The following CTDNEP1 variants were observed in gnomAD, a reference collection of about 807,000 sequenced individuals.
The protein encoded by CTDNEP1 is CTD nuclear envelope phosphatase 1.
A neutral mutation model predicts 30.1 loss-of-function variants in CTDNEP1; 3 were observed. The ratio of observed to expected loss-of-function variants is 0.10; its 90% CI spans 0.05 to 0.26. The LOEUF (loss-of-function observed/expected upper bound fraction) is 0.26. CTDNEP1 is among the 10% of genes least tolerant of loss of function. The probability of loss-of-function intolerance (pLI) is 1.00; values close to 1 mark genes in which losing one functional copy is unlikely to be tolerated. For synonymous variants in CTDNEP1, 123 were observed against 118.8 expected (o/e 1.04, Z -0.23); for missense variants, 158 against 310.4 (o/e 0.51, Z 3.69).
rs749093536 is a variant in CTDNEP1 at position 7,244,595 on chromosome 17, G to A, written c.630C>T (p.Ser210=). 17 of 1,613,530 alleles carry A rather than the reference G, an allele frequency of 1.1e-5. No individual in the cohort carries two copies. The highest frequency in any genetic ancestry group is 2.2e-5 in the South Asian group (2 of 90,952). ...IPIKSWFSDP[S]DTALLNLLPM... is the part of the protein sequence containing the mutation. The stretch of plus-strand genomic sequence containing the variant: ...GGAGCAGGTTGAGAAGGGCTGTGTC[G>A]CTGGGGTCACTGAACCAGGATTTGA... The change falls in exon 7 of 8, where the codon AGC becomes AGT. Residue 210 remains serine (S), a synonymous_variant. Transcript: ENST00000574322.
intron 6 of CTDNEP1, chr17:7,244,957 A>C (rs1379285151): frequency 7.9e-6 from 2 of 252,716 alleles, no homozygotes; most frequent in African/African-American, 4.6e-5. Context: ...CAGGAGTTTG[A>C]GTCCAGCCTG....
chr17:7,247,097 G>A lies in CTDNEP1; in HGVS notation c.255C>T (p.Val85=). 1 of 1,613,110 alleles carries A rather than the reference G, an allele frequency of 6.2e-7. No homozygotes were observed. Among genetic ancestry groups the A allele is most frequent in the Non-Finnish European group, 8.5e-7 (1 of 1,179,924 alleles). ...SHHDGVLRPT[V]RPGTPPDFIL... Reference sequence around the variant, plus strand: ...TGAAGTCAGGAGGCGTACCAGGCCGGACTGTGGGCCTCAGGACCCCATCAT... The same window carrying A: ...TGAAGTCAGGAGGCGTACCAGGCCGAACTGTGGGCCTCAGGACCCCATCAT... Residue 85 remains valine (V), a synonymous_variant, in exon 3 of 8, where the codon GTC becomes GTT. Coordinates refer to ENST00000574322, the MANE Select transcript of CTDNEP1 (RefSeq NM_001143775.2).
At chr17:7,244,748 G>A (rs2071815506) in intron 6 of CTDNEP1, 113 bp from the exon 7 acceptor site, 8 of 797,032 alleles carry the variant, frequency 1.0e-5, no homozygotes, top group Admixed American at 3.1e-5. Flanking sequence ...TCCCACTACC[G>A]GAAGTCAACA....
At chr17:7,244,403 G>A in intron 7 of CTDNEP1, 148 bp downstream of exon 7, 1 of 1,153,314 alleles carries the variant, frequency 8.7e-7, no homozygotes. Flanking sequence ...CTAAAGTGAT[G>A]AGCTTTGAAG....
chr17:7,246,194 A>C lies in CTDNEP1; in HGVS notation c.478-57T>G. On this transcript the variant is annotated intron_variant, in intron 5 of 7. Coordinates refer to ENST00000574322, the MANE Select transcript of CTDNEP1 (RefSeq NM_001143775.2). The surrounding 1 kb of genome is among the most constrained non-coding windows in gnomAD (Gnocchi z 4.9). ...TCTCCAGGATACTCTCCTCAAACCCAGATCCCTCCCTGGTGGCCTCCCTCC... is the reference window on the plus strand; with the variant it reads ...TCTCCAGGATACTCTCCTCAAACCCCGATCCCTCCCTGGTGGCCTCCCTCC... The C allele has an allele frequency of 6.3e-7, 1 of 1,581,348 alleles. No homozygotes were observed. The highest frequency in any genetic ancestry group is 8.7e-7 in the Non-Finnish European group (1 of 1,150,340).
At chr17:7,245,880 C>A in intron 6 of CTDNEP1, 146 bp downstream of exon 6, 1 of 594,302 alleles carries the variant, frequency 1.7e-6, no homozygotes, top group Non-Finnish European at 3.1e-6. Context: ...ATTTGAAACA[C>A]AAAAATAACT....
intron 6 of CTDNEP1, 85 bp from the exon 7 acceptor site, chr17:7,244,720 T>C (rs951279055): frequency 1.9e-6 from 2 of 1,051,032 alleles, no homozygotes; most frequent in South Asian, 1.6e-5. Context: ...GGAGGAATTA[T>C]TGTTAAAAAT....
At chr17:7,244,383 A>G (rs1455899610) in intron 7 of CTDNEP1, 138 bp from the exon 8 acceptor site, 19 of 1,194,958 alleles carry the variant, frequency 1.6e-5, no homozygotes, top group Non-Finnish European at 2.4e-6. Flanking sequence ...ATTTGCCCAC[A>G]GCCTACTAGC....
At position 7,246,458 on chromosome 17, in the gene CTDNEP1, G is replaced by C. The variant is rs747613270; in HGVS notation, c.361-88C>G. On this transcript the variant is annotated intron_variant, in intron 4 of 7. Coordinates refer to ENST00000574322, the MANE Select transcript of CTDNEP1 (RefSeq NM_001143775.2). The surrounding 1 kb of genome is among the most constrained non-coding windows in gnomAD (Gnocchi z 4.9). ...TATCTTTCAGAAAGGCAATGGCATAGTCCTTCAGGCCTTCCATCAACATCA... is the reference window on the plus strand; with the variant it reads ...TATCTTTCAGAAAGGCAATGGCATACTCCTTCAGGCCTTCCATCAACATCA... 3 of 954,806 alleles carry C rather than the reference G, an allele frequency of 3.1e-6. No homozygotes were observed. The highest frequency in any genetic ancestry group is 2.4e-5 in the East Asian group (1 of 41,718). 59.1% of individuals were successfully genotyped at this position (954,806 alleles called of 1,614,324 possible).
intron 1 of CTDNEP1, among the ~76,000 whole-genome samples, chr17:7,248,037 C>A (rs9899344): frequency 1.7e-4 from 26 of 151,256 alleles, no homozygotes; most frequent in African/African-American, 5.8e-4. Flanking sequence ...CCAAGGCAGG[C>A]GGATCACAAG....
chr17:7,245,894 A>G lies in CTDNEP1; in HGVS notation c.589+132T>C, dbSNP rs78238314. On this transcript the variant is annotated intron_variant, in intron 6 of 7. Transcript: ENST00000574322. ...CATTTGAAACACAAAAATAACTTGC[A>G]TTTCGACTTACAGCAAACTAGGGAT... The G allele has an allele frequency of 1.8e-3, 1,106 of 621,796 alleles. 9 individuals are homozygous for G. The African/African-American group carries it at 0.019, about 11-fold the overall frequency. The allele number at this position is 621,796 out of a possible 1,614,324, so 38.5% of individuals were successfully genotyped here. A position where few individuals can be genotyped will look rare whatever the true frequency, so the allele number is the denominator to read the frequency against.
In CTDNEP1 at chr17:7,247,198, G is replaced by A. The variant is rs778676754; in HGVS notation, c.170-16C>T. The A allele has an allele frequency of 5.0e-6, 8 of 1,611,298 alleles. No individual in the cohort carries two copies. The Admixed American group carries it at 8.3e-5, about 17-fold the overall frequency. Reference sequence around the variant, plus strand: ...TTCACCTGGGCTGAACCAGAGTGGGGAGGAATAATATTGACCGACCTCTGA... The same window carrying A: ...TTCACCTGGGCTGAACCAGAGTGGGAAGGAATAATATTGACCGACCTCTGA... On this transcript the variant is annotated splice_polypyrimidine_tract_variant and intron_variant, in intron 2 of 7. Coordinates refer to ENST00000574322, the MANE Select transcript of CTDNEP1 (RefSeq NM_001143775.2).
Position 7,251,198 on chromosome 17 carries a change from G to A in CTDNEP1, c.99C>T (p.Arg33=). Residue 33 remains arginine, a synonymous_variant, in exon 1 of 8, where the codon CGC becomes CGT. Coordinates refer to ENST00000574322, the MANE Select transcript of CTDNEP1 (RefSeq NM_001143775.2). ...GCCAGCGCCCACCCTGGCTCACCGT[G>A]CGGATCTGCCTCCGCAGAAGGTAAA... ...FFIYLLRRQI[R]TVIQYQTVRY... 6.3e-7 allele frequency: 1 copy of A among 1,597,892 alleles called. No individual in the cohort carries two copies. Among genetic ancestry groups the A allele is most frequent in the African/African-American group, 1.3e-5 (1 of 74,182 alleles).
chr17:7,246,157 G>A lies in CTDNEP1; in HGVS notation c.478-20C>T. On this transcript the variant is annotated intron_variant, in intron 5 of 7. Transcript: ENST00000574322. This position sits in a 1 kb window ranked among gnomAD's most constrained non-coding sequence, Gnocchi z 4.9. ...GCAGTGCTGGAAGGCAGGGGATCAT[G>A]TAGCAGGCCTCTCTCCAGGATACTC... is the stretch of plus-strand genomic sequence containing the variant. The A allele has an allele frequency of 2.5e-6, 4 of 1,599,942 alleles. No individual in the cohort carries two copies. Among genetic ancestry groups the A allele is most frequent in the Non-Finnish European group, 3.4e-6 (4 of 1,167,160 alleles).
intron 1 of CTDNEP1, among the ~76,000 whole-genome samples, chr17:7,250,324 C>T: frequency 6.6e-6 from 1 of 152,226 alleles, no homozygotes; most frequent in Non-Finnish European, 1.5e-5. Context: ...GGTGAGACCA[C>T]AAGAGCACAT....
chr17:7,244,051 C>T lies in CTDNEP1; in HGVS notation c.*134G>A. On this transcript the variant is annotated 3_prime_UTR_variant, in exon 8 of 8. Coordinates refer to ENST00000574322, the MANE Select transcript of CTDNEP1 (RefSeq NM_001143775.2). ...CAGACTCCAAGTGGAGTGTAGGGCT[C>T]CCAGGGCAGAGAGGGGTGGGAGGGG... The T allele has an allele frequency of 1.4e-6, 2 of 1,478,586 alleles. No homozygotes were observed. The highest frequency in any genetic ancestry group is 1.8e-6 in the Non-Finnish European group (2 of 1,110,856). 91.6% of individuals were successfully genotyped at this position (1,478,586 alleles called of 1,614,324 possible). A position where few individuals can be genotyped will look rare whatever the true frequency, so the allele number is the denominator to read the frequency against.
intron 1 of CTDNEP1, among the ~76,000 whole-genome samples, chr17:7,250,558 T>C (rs903914533): frequency 1.3e-5 from 2 of 152,122 alleles, no homozygotes; most frequent in African/African-American, 4.8e-5. Flanking sequence ...TTGAACTCCC[T>C]CCCACAATTA....
At chr17:7,251,957 C>T (rs1470808573), upstream of CTDNEP1, 1 of 160,408 alleles carries the variant, frequency 6.2e-6, no homozygotes, top group East Asian at 1.9e-4. Flanking sequence ...TGACAGGCGC[C>T]ATTTTACCGT....
chr17:7,244,294 C>T lies in CTDNEP1; in HGVS notation c.675-49G>A. ...GGTAGAGTACCTTATAGTTCATACC[C>T]TCACAACACTCTTGTAAGGCAGCAT... On this transcript the variant is annotated intron_variant, in intron 7 of 7. Coordinates refer to ENST00000574322, the MANE Select transcript of CTDNEP1 (RefSeq NM_001143775.2). 6 of 1,579,938 alleles carry T rather than the reference C, an allele frequency of 3.8e-6. No individual in the cohort carries two copies. The East Asian group carries it at 1.1e-4, about 29-fold the overall frequency.
Sources: gnomAD v4.1 joint callset for allele counts (sites outside exome capture counted in the v4.1 genomes callset) on GRCh38, gnomAD v4.1.1 for gene constraint, Gnocchi (gnomAD v3.1) non-coding constraint, MANE v1.5 for transcripts, NCBI Gene and HGNC (gene_info 2026-07-23, HGNC 2026-07-21) for gene names.